STIM1: variants seen among roughly 807,000 people sequenced by gnomAD.
STIM1 encodes the protein stromal interaction molecule 1.
A neutral mutation model predicts 74.7 loss-of-function variants in STIM1; 25 were observed. The ratio of observed to expected loss-of-function variants is 0.33; its 90% CI spans 0.24 to 0.47. STIM1 has a LOEUF of 0.47. Among genes scored for constraint, STIM1 ranks in the 20% least tolerant of loss-of-function variants. The probability of loss-of-function intolerance (pLI) is 1.00; values close to 1 mark genes in which losing one functional copy is unlikely to be tolerated. For synonymous variants in STIM1, 328 were observed against 348.8 expected (o/e 0.94, Z 0.66); for missense variants, 728 against 920.8 (o/e 0.79, Z 2.71).
chr11:3,977,594 G>A (rs1268333965), intron 2 of STIM1, among the ~76,000 whole-genome samples: 2 of 152,172 alleles, frequency 1.3e-5, no homozygotes, highest in African/African-American at 2.4e-5. Flanking sequence ...TGCATGTAAA[G>A]CACTTAATAC....
intron 1 of STIM1, among the ~76,000 whole-genome samples, chr11:3,920,804 T>A (rs1031047677): frequency 2.0e-5 from 3 of 149,982 alleles, no homozygotes; most frequent in Non-Finnish European, 4.5e-5. Context: ...TTTTTTTTAA[T>A]TTTTTTTTTG....
intron 1 of STIM1, among the ~76,000 whole-genome samples, chr11:3,914,482 G>A (rs775732053): frequency 2.0e-5 from 3 of 151,900 alleles, no homozygotes; most frequent in Non-Finnish European, 2.9e-5. Flanking sequence ...TCACTCTGTC[G>A]CCAGGCTGGA....
At chr11:4,047,956 C>G (rs1261949498) in intron 3 of STIM1, among the ~76,000 whole-genome samples, 1 of 151,918 alleles carries the variant, frequency 6.6e-6, no homozygotes, top group Non-Finnish European at 1.5e-5. Context: ...GTAGCTGGAA[C>G]TGAAGGTGCG....
intron 1 of STIM1, among the ~76,000 whole-genome samples, chr11:3,891,275 TA>T (rs892034521): frequency 1.2e-4 from 18 of 150,570 alleles, no homozygotes; most frequent in East Asian, 1.9e-4. Flanking sequence ...TTGTTTTAAA[TA>T]AAAAAAATTT....
At chr11:3,859,381 C>T (rs955767405) in intron 1 of STIM1, among the ~76,000 whole-genome samples, 1 of 152,158 alleles carries the variant, frequency 6.6e-6, no homozygotes, top group African/African-American at 2.4e-5. Context: ...TCTGTGCCTG[C>T]CTGTGCTACT....
At chr11:4,018,408 C>T (rs371517996) in intron 2 of STIM1, among the ~76,000 whole-genome samples, 2 of 129,882 alleles carry the variant, frequency 1.5e-5, no homozygotes, top group South Asian at 2.8e-4. Context: ...GCCGAGATTG[C>T]GCCACTGCAG....
chr11:4,019,041 T>C, intron 2 of STIM1: 1 of 180,974 alleles, frequency 5.5e-6, no homozygotes, highest in Admixed American at 5.1e-5. Flanking sequence ...TGGTCTGATC[T>C]GGAAATATAG....
intron 2 of STIM1, among the ~76,000 whole-genome samples, chr11:4,005,395 A>G (rs1165391584): frequency 1.3e-5 from 2 of 152,218 alleles, no homozygotes; most frequent in Non-Finnish European, 2.9e-5. Flanking sequence ...ATGGCATACT[A>G]TGCAGCCATA....
chr11:3,896,596 G>A (rs2135412655), intron 1 of STIM1, among the ~76,000 whole-genome samples: 3 of 152,340 alleles, frequency 2.0e-5, no homozygotes, highest in Middle Eastern at 6.8e-3. Context: ...CATGGAATAC[G>A]TAATTTGGTG....
At chr11:3,991,674 C>T (rs1047024269) in intron 2 of STIM1, among the ~76,000 whole-genome samples, 4 of 151,506 alleles carry the variant, frequency 2.6e-5, no homozygotes, top group Admixed American at 1.3e-4. Context: ...TGTGGCCGGG[C>T]GCGGTGGCTC....
chr11:3,993,532 T>C (rs376230381), intron 2 of STIM1, among the ~76,000 whole-genome samples: 9 of 152,278 alleles, frequency 5.9e-5, no homozygotes, highest in African/African-American at 2.2e-4. Flanking sequence ...GGCATATGCC[T>C]GTAATCTCAG....
chr11:3,982,051 G>C (rs1378487392), intron 2 of STIM1, among the ~76,000 whole-genome samples: 2 of 151,130 alleles, frequency 1.3e-5, no homozygotes, highest in African/African-American at 4.9e-5. Flanking sequence ...TTTTGAAATA[G>C]AGTCTTGCTC....
chr11:4,040,979 A>G lies in STIM1; in HGVS notation c.386-14547A>G, dbSNP rs146629381. ...ATTAGAAAATGAAGACCTTTACCTCACTGTAGTCCCAGATGAGAAGCTGCT... is the reference window on the plus strand; with the variant it reads ...ATTAGAAAATGAAGACCTTTACCTCGCTGTAGTCCCAGATGAGAAGCTGCT... On this transcript the variant is annotated intron_variant, in intron 3 of 12. Transcript: ENST00000526596. 2.7e-3 allele frequency among the ~76,000 whole-genome samples: 417 copies of G among 152,320 alleles called. 4 individuals carry two copies. Among genetic ancestry groups the G allele is most frequent in the African/African-American group, 9.2e-3 (381 of 41,574 alleles).
chr11:4,012,892 A>G (rs1260221645), intron 2 of STIM1, among the ~76,000 whole-genome samples: 1 of 152,176 alleles, frequency 6.6e-6, no homozygotes, highest in East Asian at 1.9e-4. Context: ...ATTTTGAGAT[A>G]TGTTCCATCA....
intron 1 of STIM1, among the ~76,000 whole-genome samples, chr11:3,936,310 C>T (rs1041544283): frequency 1.3e-5 from 2 of 152,204 alleles, no homozygotes; most frequent in East Asian, 3.9e-4. Context: ...AAGCCATTGC[C>T]TCTCTTGTCC....
chr11:3,973,243 C>A (rs1019131903), intron 2 of STIM1: 13 of 476,880 alleles, frequency 2.7e-5, no homozygotes, highest in African/African-American at 2.2e-4. Context: ...GTTTCTCCTC[C>A]ATGACCAAAG....
At chr11:3,932,300 A>T (rs572454938) in intron 1 of STIM1, among the ~76,000 whole-genome samples, 1 of 152,342 alleles carries the variant, frequency 6.6e-6, no homozygotes, top group Admixed American at 6.5e-5. Context: ...CAACAGACAC[A>T]GGGCCTTTGG....
At chr11:3,874,990 C>A (rs999996622) in intron 1 of STIM1, among the ~76,000 whole-genome samples, 5 of 148,974 alleles carry the variant, frequency 3.4e-5, no homozygotes, top group African/African-American at 1.2e-4. Flanking sequence ...TTCTCCTCCT[C>A]TTCCTCTTCT....
At chr11:3,991,784 C>A (rs1252634137) in intron 2 of STIM1, among the ~76,000 whole-genome samples, 4 of 150,902 alleles carry the variant, frequency 2.7e-5, no homozygotes, top group Admixed American at 6.6e-5. Context: ...CCCATCTCTA[C>A]TAAAAATACA....
Sources: allele counts gnomAD v4.1 joint callset (sites outside exome capture counted in the v4.1 genomes callset), GRCh38; gene constraint gnomAD v4.1.1; transcripts MANE v1.5; gene names NCBI Gene and HGNC (gene_info 2026-07-23, HGNC 2026-07-21).